Variants in PCMT1 observed in about 807,000 individuals in gnomAD.
The protein encoded by PCMT1 is protein-L-isoaspartate(D-aspartate) O-methyltransferase.
Under a neutral mutation model 29.2 loss-of-function variants are expected in PCMT1, and 9 were observed. The observed-to-expected ratio is 0.31, with a 90% CI of 0.19 to 0.54. PCMT1 has a LOEUF of 0.54. Among genes scored for constraint, PCMT1 ranks in the 20% least tolerant of loss-of-function variants. The pLI, the probability that PCMT1 is intolerant of heterozygous loss-of-function variation, is 0.95. For missense variants in PCMT1, 184 were observed against 282.2 expected, an observed-to-expected ratio of 0.65 and a Z score of 2.49; for synonymous variants, 98 against 97.5, an observed-to-expected ratio of 1.00 and a Z score of -0.03.
At chr6:149,804,161 A>G (rs1775940232) in intron 7 of PCMT1, among the ~76,000 whole-genome samples, 1 of 151,932 alleles carries the variant, frequency 6.6e-6, no homozygotes, top group South Asian at 2.1e-4. Context: ...TGTAGTTATT[A>G]ACAACTAACT....
chr6:149,773,196 C>T (rs1230411954), intron 3 of PCMT1, 27 bp downstream of exon 3: 2 of 1,559,228 alleles, frequency 1.3e-6, no homozygotes, highest in South Asian at 1.1e-5. Flanking sequence ...CACTTGGTTA[C>T]AAATGGATTA....
chr6:149,774,366 A>C (rs1391251578), intron 3 of PCMT1, among the ~76,000 whole-genome samples: 4 of 150,532 alleles, frequency 2.7e-5, no homozygotes, highest in Admixed American at 1.3e-4. Flanking sequence ...CAGCCTCCTG[A>C]GTAACTAGCA....
chr6:149,772,541 TC>T, intron 2 of PCMT1: 1 of 446,296 alleles, frequency 2.2e-6, no homozygotes, highest in East Asian at 7.0e-5. Flanking sequence ...TTACTGAAAT[TC>T]TTCCTTTCTT....
intron 4 of PCMT1, among the ~76,000 whole-genome samples, chr6:149,793,104 A>T (rs970766677): frequency 6.6e-6 from 1 of 151,670 alleles, no homozygotes; most frequent in Non-Finnish European, 1.5e-5. Flanking sequence ...CAGAGGTTGC[A>T]GTGAGCTGAG....
At chr6:149,805,269 A>T (rs2115346998) in intron 7 of PCMT1, among the ~76,000 whole-genome samples, 1 of 152,310 alleles carries the variant, frequency 6.6e-6, no homozygotes, top group Admixed American at 6.5e-5. Flanking sequence ...AAATTTATGG[A>T]CAATTAGTCA....
At chr6:149,799,666 T>C (rs1039504865) in intron 6 of PCMT1, among the ~76,000 whole-genome samples, 3 of 152,146 alleles carry the variant, frequency 2.0e-5, no homozygotes, top group African/African-American at 7.2e-5. Flanking sequence ...AAGAGACAGA[T>C]AGTAGGAAAA....
intron 5 of PCMT1, among the ~76,000 whole-genome samples, chr6:149,795,921 A>T (rs1218964121): frequency 1.3e-5 from 2 of 152,202 alleles, no homozygotes; most frequent in East Asian, 1.9e-4. Context: ...GTGCCGTTTC[A>T]TGCTTTAGAG....
At chr6:149,777,215 G>A (rs1293703753) in intron 3 of PCMT1, among the ~76,000 whole-genome samples, 1 of 152,240 alleles carries the variant, frequency 6.6e-6, no homozygotes, top group Admixed American at 6.5e-5. Flanking sequence ...GAACACTTAC[G>A]TTAGCCTACA....
chr6:149,762,643 TG>T (rs1319550307), intron 1 of PCMT1, among the ~76,000 whole-genome samples: 1 of 4,124 alleles, frequency 2.4e-4, no homozygotes, highest in Non-Finnish European at 3.2e-4. Flanking sequence ...TATATATCTA[TG>T]ATATATATAT....
At position 149,802,180 on chromosome 6, in the gene PCMT1, C is replaced by CTT; in HGVS notation, c.505-9_505-8dup. On this transcript the variant is annotated intron_variant, in intron 6 of 7. Coordinates refer to ENST00000464889, the MANE Select transcript of PCMT1 (RefSeq NM_001360452.2). ...AATCTGTAACTTGGTGATGTATGTG[C>CTT]TTTTTTTTTTTTCTTTTAGCTAATA... 76 of 1,264,850 alleles carry CTT rather than the reference C, an allele frequency of 6.0e-5. No individual in the cohort carries two copies. Among genetic ancestry groups the CTT allele is most frequent in the South Asian group, 1.7e-4 (11 of 66,654 alleles). The allele number at this position is 1,264,850 out of a possible 1,614,324, so 78.4% of individuals were successfully genotyped here.
intron 5 of PCMT1, among the ~76,000 whole-genome samples, chr6:149,794,267 T>C (rs967020567): frequency 1.3e-5 from 2 of 152,198 alleles, no homozygotes; most frequent in Non-Finnish European, 1.5e-5. Context: ...GGTGCAGTTA[T>C]ATGTTTTTGT....
intron 3 of PCMT1, among the ~76,000 whole-genome samples, chr6:149,786,111 C>T (rs1414778913): frequency 7.1e-6 from 1 of 140,532 alleles, no homozygotes; most frequent in Non-Finnish European, 1.5e-5. Flanking sequence ...TAGGGGCGGC[C>T]GGGCAGAGGC....
At chr6:149,792,094 C>A (rs992608453) in intron 4 of PCMT1, among the ~76,000 whole-genome samples, 5 of 151,802 alleles carry the variant, frequency 3.3e-5, no homozygotes, top group African/African-American at 1.2e-4. Context: ...GCAGGTGGAT[C>A]ACCTGAGGTC....
At position 149,801,738 on chromosome 6, in the gene PCMT1, G is replaced by A. The variant is rs568866706; in HGVS notation, c.505-462G>A. ...GCTGGGATCACAGGCGTGAGCCACCGTGTCTGGCCTTAATTTGTATATACT... is the reference window on the plus strand; with the variant it reads ...GCTGGGATCACAGGCGTGAGCCACCATGTCTGGCCTTAATTTGTATATACT... On this transcript the variant is annotated intron_variant, in intron 6 of 7. Coordinates refer to ENST00000464889, the MANE Select transcript of PCMT1 (RefSeq NM_001360452.2). 3.1e-4 allele frequency among the ~76,000 whole-genome samples: 47 copies of A among 152,008 alleles called. No individual in the cohort carries two copies. In the South Asian group the frequency reaches 4.6e-3, roughly 15 times the overall value.
At position 149,759,835 on chromosome 6, in the gene PCMT1, GC is replaced by G. The variant is rs1180076624; in HGVS notation, c.55+9882del. Reference sequence around the variant, plus strand: ...ATTTTCAGTGCTTATACCAACACAGGCCCTCTTTATTTTTTTATTTCTGCCA... The same window carrying G: ...ATTTTCAGTGCTTATACCAACACAGGCCTCTTTATTTTTTTATTTCTGCCA... On this transcript the variant is annotated intron_variant, in intron 1 of 7. Coordinates refer to ENST00000464889, the MANE Select transcript of PCMT1 (RefSeq NM_001360452.2). Among the ~76,000 whole-genome samples, 3 of 152,104 alleles carry G rather than the reference GC, an allele frequency of 2.0e-5. No homozygotes were observed. The East Asian group carries it at 5.8e-4, about 29-fold the overall frequency.
chr6:149,778,744 G>A (rs35161649), intron 3 of PCMT1, among the ~76,000 whole-genome samples: 7,534 of 151,926 alleles, frequency 0.05, 246 homozygotes, highest in Non-Finnish European at 0.076. Context: ...TCACTGTGTT[G>A]CCCAAGCTAG....
intron 3 of PCMT1, among the ~76,000 whole-genome samples, chr6:149,785,553 G>A (rs1366889326): frequency 6.6e-6 from 1 of 152,038 alleles, no homozygotes; most frequent in Admixed American, 6.5e-5. Flanking sequence ...AGGACCCTGA[G>A]GCCTTCCGCA....
chr6:149,786,605 G>A (rs1788100242), intron 3 of PCMT1, among the ~76,000 whole-genome samples: 2 of 143,050 alleles, frequency 1.4e-5, no homozygotes, highest in African/African-American at 5.5e-5. Flanking sequence ...AGATGGGGCG[G>A]CCGGGCAGAG....
In PCMT1 at chr6:149,793,797, A is replaced by G. The variant is rs1788486009; in HGVS notation, c.418+128A>G. On this transcript the variant is annotated intron_variant, in intron 5 of 7. Coordinates refer to ENST00000464889, the MANE Select transcript of PCMT1 (RefSeq NM_001360452.2). ...TACAATCACTTTTAAGTACTAAAAA[A>G]TAAAAACGATTATTTTTGCTCACCT... is the stretch of plus-strand genomic sequence containing the variant. 5.2e-6 allele frequency: 4 copies of G among 767,346 alleles called. No individual in the cohort carries two copies. In the African/African-American group the frequency reaches 5.5e-5, roughly 11 times the overall value. 47.5% of individuals were successfully genotyped at this position (767,346 alleles called of 1,614,324 possible).
Sources: allele counts gnomAD v4.1 joint callset (sites outside exome capture counted in the v4.1 genomes callset), GRCh38; gene constraint gnomAD v4.1.1; transcripts MANE v1.5; gene names NCBI Gene and HGNC (gene_info 2026-07-23, HGNC 2026-07-21).